Variants in PWWP2B observed in about 807,000 individuals in gnomAD.
PWWP2B encodes the protein PWWP domain containing 2B.
PWWP2B carries 9 observed loss-of-function variants against 15.5 expected under a neutral mutation model. That is an observed-to-expected ratio of 0.58 (90% CI 0.35 to 1.02). The LOEUF (loss-of-function observed/expected upper bound fraction) is 1.02, where lower values mean the gene tolerates loss of function less well. Ranked by LOEUF, PWWP2B falls within the 50% of genes least tolerant of loss-of-function variation. The pLI is 0.02. For synonymous variants in PWWP2B, 474 were observed against 403.6 expected (o/e 1.17, Z -2.09); for missense variants, 864 against 865.3 (o/e 1.00, Z 0.02).
Position 132,405,740 on chromosome 10 carries a change from A to G in PWWP2B, c.1240A>G (p.Arg414Gly), listed in dbSNP as rs1009643182. ...TTTTCTCGTCAGCTGCCCTGAGGGGAGAGCGGACTGTGCCAGTGAGTCGGC... is the reference window on the plus strand; with the variant it reads ...TTTTCTCGTCAGCTGCCCTGAGGGGGGAGCGGACTGTGCCAGTGAGTCGGC... ...LAFLVSCPEGRADCASESACS... is the reference protein window; with the variant it reads ...LAFLVSCPEGGADCASESACS... Residue 414 changes from arginine (R) to glycine (G), a missense_variant, in exon 2 of 3, where the codon AGA (arginine) becomes GGA (glycine). By Grantham distance (125) the Arg-to-Gly change is moderately radical. This residue lies in a region of PWWP2B where 736 missense variants were observed against 687.7 expected (regional missense o/e 1.07). Coordinates refer to ENST00000305233, the MANE Select transcript of PWWP2B (RefSeq NM_138499.4). 6.2e-7 allele frequency: 1 copy of G among 1,609,286 alleles called. No homozygotes were observed. Among genetic ancestry groups the G allele is most frequent in the Non-Finnish European group, 8.5e-7 (1 of 1,179,840 alleles).
chr10:132,399,372 T>A (rs1470924902), intron 1 of PWWP2B, among the ~76,000 whole-genome samples: 1 of 152,216 alleles, frequency 6.6e-6, no homozygotes, highest in Non-Finnish European at 1.5e-5. Flanking sequence ...GCCAGGCACC[T>A]GTTCAGAGCA....
intron 2 of PWWP2B, among the ~76,000 whole-genome samples, chr10:132,416,201 G>T (rs2069853532): frequency 1.3e-5 from 2 of 152,156 alleles, no homozygotes; most frequent in African/African-American, 4.8e-5. Flanking sequence ...CTCCTGCCCT[G>T]CTGTGGTCAG....
intron 2 of PWWP2B, among the ~76,000 whole-genome samples, chr10:132,414,622 G>A (rs984207998): frequency 3.9e-5 from 6 of 152,200 alleles, no homozygotes; most frequent in East Asian, 1.9e-4. Flanking sequence ...CCTCTACCTC[G>A]CTGTCAGCCG....
Position 132,405,069 on chromosome 10 carries a change from C to A in PWWP2B, c.569C>A (p.Ala190Asp). ...AAGAGCACGCTGAGCCCCCCGGAGG[C>A]CAGCCCCGGACCCCCAGCCGCGCCC... ...KCKSTLSPPE[A>D]SPGPPAAPRA... Residue 190 changes from alanine (A) to aspartate (D), a missense_variant, in exon 2 of 3, where the codon GCC (alanine) becomes GAC (aspartate). Physicochemically the swap from Ala to Asp is moderately radical, Grantham distance 126. Coordinates refer to ENST00000305233, the MANE Select transcript of PWWP2B (RefSeq NM_138499.4). 2 of 1,520,728 alleles carry A rather than the reference C, an allele frequency of 1.3e-6. No homozygotes were observed. Among genetic ancestry groups the A allele is most frequent in the Non-Finnish European group, 1.8e-6 (2 of 1,136,916 alleles). The allele number at this position is 1,520,728 out of a possible 1,614,324, so 94.2% of individuals were successfully genotyped here.
chr10:132,407,464 G>A (rs567151229), intron 2 of PWWP2B, among the ~76,000 whole-genome samples: 224 of 152,344 alleles, frequency 1.5e-3, no homozygotes, highest in African/African-American at 5.3e-3. Flanking sequence ...CCAGGTGACC[G>A]TCCTCGGGCC....
At chr10:132,409,446 C>T (rs1163181465) in intron 2 of PWWP2B, among the ~76,000 whole-genome samples, 1 of 152,174 alleles carries the variant, frequency 6.6e-6, no homozygotes, top group Non-Finnish European at 1.5e-5. Flanking sequence ...CCAGGCTTGT[C>T]CTGCAGCTGG....
intron 2 of PWWP2B, 82 bp downstream of exon 2, chr10:132,406,371 C>G: frequency 4.0e-6 from 5 of 1,253,140 alleles, no homozygotes; most frequent in Non-Finnish European, 5.4e-6. Flanking sequence ...GCTCCGGGCC[C>G]TGAGGCCCAG....
In PWWP2B at chr10:132,404,737, G is replaced by C; in HGVS notation, c.237G>C (p.Gln79His). The change falls in exon 2 of 3, where the codon CAG (glutamine) becomes CAC (histidine). Residue 79 changes from glutamine (Q) to histidine (H), a missense_variant. Physicochemically the swap from Gln to His is conservative, Grantham distance 24. Around this residue, in one of 2 missense-constraint regions of PWWP2B, gnomAD observed 736 missense variants for 687.7 expected, o/e 1.07. Coordinates refer to ENST00000305233, the MANE Select transcript of PWWP2B (RefSeq NM_138499.4). The part of the protein sequence containing the change: ...APEEGDAEVM[Q>H]LGSSSPPPAR... ...AGGAGGGGGATGCAGAGGTGATGCA[G>C]CTGGGGTCCAGCTCCCCCCCTCCTG... The C allele has an allele frequency of 6.2e-7, 1 of 1,608,024 alleles. No individual in the cohort carries two copies. The highest frequency in any genetic ancestry group is 8.5e-7 in the Non-Finnish European group (1 of 1,177,810).
At chr10:132,403,432 A>G (rs1047232942) in intron 1 of PWWP2B, among the ~76,000 whole-genome samples, 9 of 152,124 alleles carry the variant, frequency 5.9e-5, no homozygotes, top group Non-Finnish European at 1.0e-4. Context: ...GATTCTGTGG[A>G]CCCGTTTTCC....
At chr10:132,410,462 CAGGAAGG>C (rs1412926228) in intron 2 of PWWP2B, among the ~76,000 whole-genome samples, 1 of 152,140 alleles carries the variant, frequency 6.6e-6, no homozygotes, top group African/African-American at 2.4e-5. Flanking sequence ...TGTGCGGGAG[CAGGAAGG>C]AGGGTGGCGG....
chr10:132,413,667 C>T (rs908253986), intron 2 of PWWP2B, among the ~76,000 whole-genome samples: 3 of 152,276 alleles, frequency 2.0e-5, no homozygotes, highest in East Asian at 3.8e-4. Flanking sequence ...GGCAGGGCCC[C>T]ATCGTCCTTC....
intron 1 of PWWP2B, among the ~76,000 whole-genome samples, chr10:132,402,835 G>A (rs2069630525): frequency 6.6e-6 from 1 of 152,238 alleles, no homozygotes; most frequent in South Asian, 2.1e-4. Flanking sequence ...CTCACGGACA[G>A]CGTATAAAGG....
At position 132,417,220 on chromosome 10, in the gene PWWP2B, G is replaced by A. The variant is rs1160774545; in HGVS notation, c.*176G>A. On this transcript the variant is annotated 3_prime_UTR_variant, in exon 3 of 3. Coordinates refer to ENST00000305233, the MANE Select transcript of PWWP2B (RefSeq NM_138499.4). The stretch of plus-strand genomic sequence containing the variant: ...CCGGCAGTGTGTCCAGGGAGGGGAT[G>A]GCCCTGAGCCCAGCGGCTCCTCCCG... 1 of 877,964 alleles carries A rather than the reference G, an allele frequency of 1.1e-6. No homozygotes were observed. Among genetic ancestry groups the A allele is most frequent in the African/African-American group, 1.7e-5 (1 of 60,142 alleles). The allele number at this position is 877,964 out of a possible 1,614,324, so 54.4% of individuals were successfully genotyped here. A position where few individuals can be genotyped will look rare whatever the true frequency, so the allele number is the denominator to read the frequency against.
At chr10:132,407,867 G>C (rs1229611361) in intron 2 of PWWP2B, among the ~76,000 whole-genome samples, 1 of 152,198 alleles carries the variant, frequency 6.6e-6, no homozygotes, top group African/African-American at 2.4e-5. Flanking sequence ...AGGAGGGTCA[G>C]AGGACTCCCG....
intron 2 of PWWP2B, among the ~76,000 whole-genome samples, chr10:132,415,265 C>T (rs1473460952): frequency 2.0e-5 from 3 of 151,274 alleles, no homozygotes; most frequent in Non-Finnish European, 4.4e-5. Context: ...CACACCCGCT[C>T]ACACATTCAC....
intron 2 of PWWP2B, among the ~76,000 whole-genome samples, chr10:132,408,316 C>T (rs2069728944): frequency 6.6e-6 from 1 of 152,222 alleles, no homozygotes; most frequent in Non-Finnish European, 1.5e-5. Context: ...GGTTGGTGGT[C>T]CTTGAGGGAC....
In PWWP2B at chr10:132,417,531, G is replaced by A. The variant is rs1020209643; in HGVS notation, c.*487G>A. Reference sequence around the variant, plus strand: ...GCAGACTCAGCTTGGTCTCCCGCAGGCTTCAGAAAAACCCAATTGCACGTG... The same window carrying A: ...GCAGACTCAGCTTGGTCTCCCGCAGACTTCAGAAAAACCCAATTGCACGTG... On this transcript the variant is annotated 3_prime_UTR_variant, in exon 3 of 3. Transcript: ENST00000305233. 1 of 165,304 alleles carries A rather than the reference G, an allele frequency of 6.0e-6. No homozygotes were observed. The highest frequency in any genetic ancestry group is 2.4e-5 in the African/African-American group (1 of 41,844). The allele number at this position is 165,304 out of a possible 1,614,324, so 10.2% of individuals were successfully genotyped here. A position where few individuals can be genotyped will look rare whatever the true frequency, so the allele number is the denominator to read the frequency against.
At chr10:132,415,230 A>C (rs1400390803) in intron 2 of PWWP2B, among the ~76,000 whole-genome samples, 1 of 150,830 alleles carries the variant, frequency 6.6e-6, no homozygotes, top group Non-Finnish European at 1.5e-5. Flanking sequence ...ACACCCACTC[A>C]CACTCACACA....
intron 2 of PWWP2B, among the ~76,000 whole-genome samples, chr10:132,409,645 C>CCACCCACCCACA: frequency 9.9e-6 from 1 of 101,266 alleles, no homozygotes; most frequent in East Asian, 2.8e-4. Context: ...ACCCACCCAC[C>CCACCCACCCACA]CACCCACCCA....
Sources: gnomAD v4.1 joint callset for allele counts (sites outside exome capture counted in the v4.1 genomes callset) on GRCh38, gnomAD v4.1.1 for gene constraint, gnomAD v4.1.1 regional missense constraint, MANE v1.5 for transcripts, NCBI Gene and HGNC (gene_info 2026-07-23, HGNC 2026-07-21) for gene names.